GDF6: variants seen among roughly 807,000 people sequenced by gnomAD.
GDF6 encodes the protein growth differentiation factor 6, also known as growth/differentiation factor 6.
A neutral mutation model predicts 32.4 loss-of-function variants in GDF6; 3 were observed. The ratio of observed to expected loss-of-function variants is 0.09; its 90% CI spans 0.04 to 0.24. GDF6 has a LOEUF of 0.24. Among genes scored for constraint, GDF6 ranks in the 10% least tolerant of loss-of-function variants. The pLI is 1.00. For synonymous variants in GDF6, 296 were observed against 295.3 expected (o/e 1.00, Z -0.03); for missense variants, 589 against 637.9 (o/e 0.92, Z 0.83).
Position 96,160,506 on chromosome 8 carries a change from C to G in GDF6, c.187G>C (p.Glu63Gln), listed in dbSNP as rs755403035. ...GGCCGCGGCTGTGGTTCCTGGCCCT[C>G]CCGGCCCGCGTCACTGTCGCGCGGC... ...RAPRDSDAGREGQEPQPRPQD... is the reference protein window; with the variant it reads ...RAPRDSDAGRQGQEPQPRPQD... Residue 63 changes from glutamate to glutamine, a missense_variant, in exon 1 of 2, where the codon GAG becomes CAG. Glu to Gln is a conservative substitution (Grantham distance 29). Transcript: ENST00000287020. 1 of 1,613,096 alleles carries G rather than the reference C, an allele frequency of 6.2e-7. No individual in the cohort carries two copies. The highest frequency in any genetic ancestry group is 1.1e-5 in the South Asian group (1 of 91,040).
intron 1 of GDF6, among the ~76,000 whole-genome samples, chr8:96,157,642 G>T (rs1222082546): frequency 6.6e-6 from 1 of 152,144 alleles, no homozygotes; most frequent in Admixed American, 6.5e-5. Flanking sequence ...CGCGTTGGGG[G>T]AGGGGACCCT....
rs1040541530 is a variant in GDF6 at position 96,160,470 on chromosome 8, G to A, written c.223C>T (p.Pro75Ser). The change falls in exon 1 of 2, where the codon CCC becomes TCC. Residue 75 changes from proline to serine, a missense_variant. This residue lies in a region of GDF6 where 436 missense variants were observed against 411.2 expected (regional missense o/e 1.06). Transcript: ENST00000287020. ...QEPQPRPQDE[P>S]RAQQPRAQEP... ...TGCGCCCGGGGCTGCTGAGCCCGGG[G>A]TTCGTCCTGAGGCCGCGGCTGTGGT... 3.7e-6 allele frequency: 6 copies of A among 1,613,006 alleles called. No homozygotes were observed. In the African/African-American group the frequency reaches 4.0e-5, roughly 11 times the overall value.
intron 1 of GDF6, among the ~76,000 whole-genome samples, chr8:96,159,322 C>G (rs956470885): frequency 4.7e-4 from 71 of 152,052 alleles, no homozygotes; most frequent in African/African-American, 1.7e-3. Flanking sequence ...GGATCCTTCC[C>G]TGATTTCTGG....
At chr8:96,146,707 C>CACACACACAG (rs367654279) in intron 1 of GDF6, among the ~76,000 whole-genome samples, 3 of 139,920 alleles carry the variant, frequency 2.1e-5, no homozygotes, top group Admixed American at 7.0e-5. Flanking sequence ...CACACACACA[C>CACACACACAG]AGAGAGAGAG....
At position 96,144,130 on chromosome 8, in the gene GDF6, T is replaced by C. The variant is rs190630861; in HGVS notation, c.*433A>G. 4.2e-4 allele frequency: 83 copies of C among 197,248 alleles called. 1 individual carries two copies. Among genetic ancestry groups the C allele is most frequent in the African/African-American group, 1.7e-3 (73 of 42,568 alleles). The allele number at this position is 197,248 out of a possible 1,614,324, so 12.2% of individuals were successfully genotyped here. On this transcript the variant is annotated 3_prime_UTR_variant, in exon 2 of 2. Coordinates refer to ENST00000287020, the MANE Select transcript of GDF6 (RefSeq NM_001001557.4). The surrounding 1 kb of genome is among the most constrained non-coding windows in gnomAD (Gnocchi z 5.1). ...CTTCCTCCCACATTGTTTCCCTTTT[T>C]AAACTGTTATTTTTTCAATCCATGG...
chr8:96,148,053 C>T (rs182628417), intron 1 of GDF6, among the ~76,000 whole-genome samples: 1 of 152,320 alleles, frequency 6.6e-6, no homozygotes, highest in Admixed American at 6.5e-5. Flanking sequence ...TGAGTTAAAA[C>T]TGAGGCAAGC....
At position 96,144,266 on chromosome 8, in the gene GDF6, G is replaced by A. The variant is rs1437279848; in HGVS notation, c.*297C>T. 2.3e-6 allele frequency: 1 copy of A among 444,178 alleles called. No individual in the cohort carries two copies. Among genetic ancestry groups the A allele is most frequent in the Non-Finnish European group, 4.1e-6 (1 of 241,934 alleles). The allele number at this position is 444,178 out of a possible 1,614,324, so 27.5% of individuals were successfully genotyped here. ...TAATAGAGAGAGAGAGAGAGAGAGA[G>A]AGAGAGAGAGAGAGAGAGAGAGAGA... On this transcript the variant is annotated 3_prime_UTR_variant, in exon 2 of 2. Coordinates refer to ENST00000287020, the MANE Select transcript of GDF6 (RefSeq NM_001001557.4). This position sits in a 1 kb window ranked among gnomAD's most constrained non-coding sequence, Gnocchi z 5.1.
rs1812465768 is a variant in GDF6 at position 96,145,598 on chromosome 8, G to A, written c.407-74C>T. ...AGCCCGGTGCTCTTCGGCCGCCCCG[G>A]GAGGAAAAGGGCGGGGAGTGGGGGC... On this transcript the variant is annotated intron_variant, in intron 1 of 1. Coordinates refer to ENST00000287020, the MANE Select transcript of GDF6 (RefSeq NM_001001557.4). The surrounding 1 kb of genome is among the most constrained non-coding windows in gnomAD (Gnocchi z 5.6). 3 of 1,577,746 alleles carry A rather than the reference G, an allele frequency of 1.9e-6. No individual in the cohort carries two copies. In the Admixed American group the frequency reaches 5.1e-5, roughly 27 times the overall value.
At chr8:96,151,480 C>T (rs1356941370) in intron 1 of GDF6, among the ~76,000 whole-genome samples, 1 of 152,164 alleles carries the variant, frequency 6.6e-6, no homozygotes, top group Non-Finnish European at 1.5e-5. Flanking sequence ...GTGCCACCAC[C>T]CTAGACATCC....
intron 1 of GDF6, among the ~76,000 whole-genome samples, chr8:96,156,077 C>A (rs1021707834): frequency 1.3e-5 from 2 of 152,230 alleles, no homozygotes; most frequent in African/African-American, 4.8e-5. Flanking sequence ...CAATCAGTGG[C>A]AAACTGTCCT....
chr8:96,142,595 C>T lies in GDF6; in HGVS notation c.*1968G>A, dbSNP rs894499114. On this transcript the variant is annotated 3_prime_UTR_variant, in exon 2 of 2. Coordinates refer to ENST00000287020, the MANE Select transcript of GDF6 (RefSeq NM_001001557.4). The stretch of plus-strand genomic sequence containing the variant: ...TAACTTTGTACAACTCGAATATAAA[C>T]TTTAAAAATATTAGAAATTATAACA... 3 of 152,568 alleles carry T rather than the reference C, an allele frequency of 2.0e-5. No homozygotes were observed. Among genetic ancestry groups the T allele is most frequent in the African/African-American group, 7.2e-5 (3 of 41,424 alleles). The allele number at this position is 152,568 out of a possible 1,614,324, so 9.5% of individuals were successfully genotyped here.
chr8:96,154,285 C>G (rs1021332602), intron 1 of GDF6, among the ~76,000 whole-genome samples: 1 of 152,092 alleles, frequency 6.6e-6, no homozygotes, highest in Non-Finnish European at 1.5e-5. Flanking sequence ...GCGCGCGCTT[C>G]CCTAGGAACG....
Position 96,144,254 on chromosome 8 carries a change from G to T in GDF6, c.*309C>A. ...CCAAAGCCACAGTAATAGAGAGAGA[G>T]AGAGAGAGAGAGAGAGAGAGAGAGA... On this transcript the variant is annotated 3_prime_UTR_variant, in exon 2 of 2. Coordinates refer to ENST00000287020, the MANE Select transcript of GDF6 (RefSeq NM_001001557.4). The surrounding 1 kb of genome is among the most constrained non-coding windows in gnomAD (Gnocchi z 5.1). The T allele has an allele frequency of 2.9e-6, 1 of 348,372 alleles. No individual in the cohort carries two copies. The highest frequency in any genetic ancestry group is 3.2e-5 in the South Asian group (1 of 31,084). 21.6% of individuals were successfully genotyped at this position (348,372 alleles called of 1,614,324 possible).
rs568464070 is a variant in GDF6, at chr8:96,145,938, T to C, written c.407-414A>G. On this transcript the variant is annotated intron_variant, in intron 1 of 1. Coordinates refer to ENST00000287020, the MANE Select transcript of GDF6 (RefSeq NM_001001557.4). This position sits in a 1 kb window ranked among gnomAD's most constrained non-coding sequence, Gnocchi z 5.6. ...CGTCTCAAATGTCACCTCCTCCAAG[T>C]AGCCACCCCTGAGCACCCTGATCTA... 2.6e-5 allele frequency among the ~76,000 whole-genome samples: 4 copies of C among 152,314 alleles called. No homozygotes were observed. In the South Asian group the frequency reaches 6.2e-4, roughly 24 times the overall value.
Position 96,145,196 on chromosome 8 carries a change from G to T in GDF6, c.735C>A (p.Ala245=). The T allele has an allele frequency of 6.7e-7, 1 of 1,499,090 alleles. No individual in the cohort carries two copies. The highest frequency in any genetic ancestry group is 8.8e-7 in the Non-Finnish European group (1 of 1,131,898). 92.9% of individuals were successfully genotyped at this position (1,499,090 alleles called of 1,614,324 possible). A position where few individuals can be genotyped will look rare whatever the true frequency, so the allele number is the denominator to read the frequency against. The part of the protein sequence containing the change: ...AAWGELDAGE[A]EARARGPQQP... ...GCTGGGGTCCCCGCGCGCGCGCCTC[G>T]GCCTCCCCGGCGTCCAGCTCGCCCC... Residue 245 remains alanine, a synonymous_variant, in exon 2 of 2, where the codon GCC becomes GCA. Transcript: ENST00000287020. This position sits in a 1 kb window ranked among gnomAD's most constrained non-coding sequence, Gnocchi z 5.6.
rs549799906 is a variant in GDF6, at chr8:96,160,801, G to C, written c.-109C>G. The C allele has an allele frequency of 2.3e-4, 231 of 1,004,852 alleles. 1 individual carries two copies. The African/African-American group carries it at 3.3e-3, about 14-fold the overall frequency. The allele number at this position is 1,004,852 out of a possible 1,614,324, so 62.2% of individuals were successfully genotyped here. A position where few individuals can be genotyped will look rare whatever the true frequency, so the allele number is the denominator to read the frequency against. ...GGGCCCGGCTCCTCGGGCGGACTCG[G>C]AGTGCGAGGAGCCGGGTCCCAGCCA... On this transcript the variant is annotated 5_prime_UTR_variant, in exon 1 of 2. Transcript: ENST00000287020.
intron 1 of GDF6, among the ~76,000 whole-genome samples, chr8:96,155,110 T>A (rs1023836093): frequency 2.0e-5 from 3 of 152,196 alleles, no homozygotes; most frequent in Non-Finnish European, 4.4e-5. Flanking sequence ...ACCACAAGGA[T>A]GTTTGAGCAC....
intron 1 of GDF6, among the ~76,000 whole-genome samples, chr8:96,152,976 T>A (rs1217305572): frequency 1.3e-5 from 2 of 152,072 alleles, no homozygotes; most frequent in African/African-American, 4.8e-5. Flanking sequence ...GGCAAATGAA[T>A]GAGAGTGGAG....
chr8:96,144,169 C>A lies in GDF6; in HGVS notation c.*394G>T, dbSNP rs998593283. The A allele has an allele frequency of 1.8e-5, 4 of 225,952 alleles. No individual in the cohort carries two copies. The highest frequency in any genetic ancestry group is 9.4e-5 in the African/African-American group (4 of 42,762). 14.0% of individuals were successfully genotyped at this position (225,952 alleles called of 1,614,324 possible). On this transcript the variant is annotated 3_prime_UTR_variant, in exon 2 of 2. Transcript: ENST00000287020. This position sits in a 1 kb window ranked among gnomAD's most constrained non-coding sequence, Gnocchi z 5.1. ...TTCAATCCATGGAGCAGTTGAGAAA[C>A]GGGTATGCATCTCTCCTCCCCTCCC...
Sources: allele counts gnomAD v4.1 joint callset (sites outside exome capture counted in the v4.1 genomes callset), GRCh38; gene constraint gnomAD v4.1.1; regional missense constraint gnomAD v4.1.1; non-coding constraint Gnocchi (gnomAD v3.1); transcripts MANE v1.5; gene names NCBI Gene and HGNC (gene_info 2026-07-23, HGNC 2026-07-21).